ARHGAP44: variants seen among roughly 807,000 people sequenced by gnomAD.
ARHGAP44 encodes Rho GTPase activating protein 44, also known as rho GTPase-activating protein 44.
Under a neutral mutation model 106.8 loss-of-function variants are expected in ARHGAP44, and 43 were observed. That is an observed-to-expected ratio of 0.40 (90% CI 0.32 to 0.52). ARHGAP44 has a LOEUF of 0.52. Among genes scored for constraint, ARHGAP44 ranks in the 20% least tolerant of loss-of-function variants. ARHGAP44 has a pLI of 0.48. For missense variants in ARHGAP44, 866 were observed against 1,050.5 expected, an observed-to-expected ratio of 0.82 and a Z score of 2.43; for synonymous variants, 439 against 410.3, an observed-to-expected ratio of 1.07 and a Z score of -0.85.
intron 3 of ARHGAP44, among the ~76,000 whole-genome samples, chr17:12,903,121 AGAGAG>A (rs1567677704): frequency 0.023 from 1,894 of 83,340 alleles, 5 homozygotes; most frequent in East Asian, 0.045. Flanking sequence ...AGAGAGAGAG[AGAGAG>A]GAGAGAGAGA....
At chr17:12,795,990 A>G (rs1348362005) in intron 1 of ARHGAP44, among the ~76,000 whole-genome samples, 1 of 151,902 alleles carries the variant, frequency 6.6e-6, no homozygotes, top group African/African-American at 2.4e-5. Context: ...TTTAACCTTC[A>G]TTTTGGTTAT....
chr17:12,847,482 C>T (rs1416786314), intron 1 of ARHGAP44, among the ~76,000 whole-genome samples: 2 of 150,636 alleles, frequency 1.3e-5, no homozygotes, highest in Non-Finnish European at 1.5e-5. Context: ...CTCAGCCCTC[C>T]CCTACACCTT....
chr17:12,866,896 C>T (rs557194187), intron 1 of ARHGAP44, among the ~76,000 whole-genome samples: 2 of 152,236 alleles, frequency 1.3e-5, no homozygotes, highest in African/African-American at 2.4e-5. Context: ...GGATTTACGG[C>T]AGCCTTTACT....
chr17:12,909,025 C>A, intron 4 of ARHGAP44, 52 bp downstream of exon 4: 1 of 1,467,938 alleles, frequency 6.8e-7, no homozygotes. Context: ...AAGTCCCCAT[C>A]CGTGAAAAGG....
At chr17:12,890,615 T>C (rs945007193) in intron 1 of ARHGAP44, among the ~76,000 whole-genome samples, 3 of 152,190 alleles carry the variant, frequency 2.0e-5, no homozygotes, top group Non-Finnish European at 4.4e-5. Context: ...CTCTGAAATA[T>C]CTTGGAGGTA....
At chr17:12,850,529 G>A (rs1387012658) in intron 1 of ARHGAP44, among the ~76,000 whole-genome samples, 1 of 152,094 alleles carries the variant, frequency 6.6e-6, no homozygotes. Context: ...GCTTTCTCTT[G>A]CTCTGGCAAA....
intron 1 of ARHGAP44, among the ~76,000 whole-genome samples, chr17:12,816,057 T>C (rs1220214493): frequency 1.3e-5 from 2 of 151,972 alleles, no homozygotes. Flanking sequence ...TGAACGCAGT[T>C]GAAAGGGGAA....
intron 1 of ARHGAP44, among the ~76,000 whole-genome samples, chr17:12,824,663 A>G (rs1271451708): frequency 6.6e-6 from 1 of 152,086 alleles, no homozygotes; most frequent in Non-Finnish European, 1.5e-5. Flanking sequence ...CATCCCCAGG[A>G]TAATAATTAT....
chr17:12,878,908 T>C (rs192667412), intron 1 of ARHGAP44, among the ~76,000 whole-genome samples: 2 of 152,368 alleles, frequency 1.3e-5, no homozygotes, highest in African/African-American at 4.8e-5. Context: ...CATAAATCTT[T>C]TTCCTTCAAA....
chr17:12,976,598 G>A (rs979636492), intron 18 of ARHGAP44, among the ~76,000 whole-genome samples: 8 of 137,174 alleles, frequency 5.8e-5, no homozygotes, highest in Admixed American at 1.6e-4. Context: ...GGGTGACAGA[G>A]CGAGACTCTG....
chr17:12,937,496 C>G (rs944107246), intron 7 of ARHGAP44, among the ~76,000 whole-genome samples: 4 of 152,194 alleles, frequency 2.6e-5, no homozygotes, highest in African/African-American at 9.6e-5. Context: ...GTACTGATTT[C>G]CGCAGAGGTT....
At chr17:12,974,420 C>G in intron 18 of ARHGAP44, 110 bp downstream of exon 18, 1 of 946,466 alleles carries the variant, frequency 1.1e-6, no homozygotes. Flanking sequence ...GCCCCCGCCC[C>G]CATTTCTAAG....
rs573063450 is a variant in ARHGAP44 at position 12,912,610 on chromosome 17, G to A, written c.276-3290G>A. ...TCCAATACAATGGGAAGAATTAAGC[G>A]TATGCCACAGAGCTCACCATCATGT... On this transcript the variant is annotated intron_variant, in intron 4 of 20. Coordinates refer to ENST00000379672, the MANE Select transcript of ARHGAP44 (RefSeq NM_014859.6). 4.6e-5 allele frequency among the ~76,000 whole-genome samples: 7 copies of A among 152,232 alleles called. No homozygotes were observed. In the South Asian group the frequency reaches 6.2e-4, roughly 14 times the overall value.
intron 6 of ARHGAP44, among the ~76,000 whole-genome samples, chr17:12,922,256 C>T (rs1431674168): frequency 2.0e-5 from 3 of 152,142 alleles, no homozygotes; most frequent in East Asian, 1.9e-4. Context: ...GAAGGGGAGG[C>T]GAGGCGTTAG....
At chr17:12,856,056 G>A (rs975972162) in intron 1 of ARHGAP44, among the ~76,000 whole-genome samples, 1 of 152,140 alleles carries the variant, frequency 6.6e-6, no homozygotes, top group Non-Finnish European at 1.5e-5. Flanking sequence ...AATGATAGCC[G>A]GTATCCCCGC....
At chr17:12,916,128 T>A (rs2037905770) in intron 5 of ARHGAP44, 117 bp downstream of exon 5, 1 of 815,948 alleles carries the variant, frequency 1.2e-6, no homozygotes, top group Non-Finnish European at 1.9e-6. Flanking sequence ...CCCAACATTG[T>A]TTTTCATCAG....
intron 1 of ARHGAP44, chr17:12,790,167 T>C: frequency 2.3e-6 from 1 of 432,770 alleles, no homozygotes; most frequent in South Asian, 3.7e-5. Context: ...GCCCCTTCGC[T>C]TCGTCCTCCC....
At chr17:12,822,118 CAAACTTT>C (rs957512760) in intron 1 of ARHGAP44, among the ~76,000 whole-genome samples, 2 of 152,130 alleles carry the variant, frequency 1.3e-5, no homozygotes, top group Non-Finnish European at 2.9e-5. Flanking sequence ...AAAGGGTTGG[CAAACTTT>C]CCTGTACAGG....
intron 5 of ARHGAP44, among the ~76,000 whole-genome samples, chr17:12,919,064 A>G (rs1323053103): frequency 6.6e-6 from 1 of 152,220 alleles, no homozygotes; most frequent in African/African-American, 2.4e-5. Flanking sequence ...CCTGATGTGT[A>G]GCACTGTGTG....
Sources: allele counts gnomAD v4.1 joint callset (sites outside exome capture counted in the v4.1 genomes callset), GRCh38; gene constraint gnomAD v4.1.1; transcripts MANE v1.5; gene names NCBI Gene and HGNC (gene_info 2026-07-23, HGNC 2026-07-21).